The following FBXL2 variants were observed in gnomAD, a reference collection of about 807,000 sequenced individuals.
FBXL2 encodes F-box/LRR-repeat protein 2.
Under a neutral mutation model 69.2 loss-of-function variants are expected in FBXL2, and 38 were observed. The observed-to-expected ratio is 0.55, with a 90% CI of 0.42 to 0.72. FBXL2 has a LOEUF of 0.72. Ranked by LOEUF, FBXL2 falls within the 30% of genes least tolerant of loss-of-function variation. FBXL2 has a pLI of 0.00. For synonymous variants in FBXL2, 192 were observed against 201.3 expected, an observed-to-expected ratio of 0.95 and a Z score of 0.39; for missense variants, 354 against 520.3, an observed-to-expected ratio of 0.68 and a Z score of 3.11.
intron 2 of FBXL2, among the ~76,000 whole-genome samples, chr3:33,353,629 C>G (rs1389027586): frequency 1.3e-5 from 2 of 152,216 alleles, no homozygotes; most frequent in African/African-American, 2.4e-5. Flanking sequence ...TGGCTCACGC[C>G]TGTAATCCCA....
rs754280378 is a variant in FBXL2 at position 33,385,527 on chromosome 3, C to T, written c.1191C>T (p.His397=). ...CTCAGCTCCCTCATGTCAAAGTCCA[C>T]GCCTACTTTGCTCCCGTCACCCCAC... ...MRAQLPHVKV[H]AYFAPVTPPT... The change falls in exon 15 of 15, where the codon CAC becomes CAT. Residue 397 remains histidine (H), a synonymous_variant. Coordinates refer to ENST00000484457, the MANE Select transcript of FBXL2 (RefSeq NM_012157.5). 2.4e-5 allele frequency: 39 copies of T among 1,613,968 alleles called. No individual in the cohort carries two copies. Among genetic ancestry groups the T allele is most frequent in the Middle Eastern group, 1.6e-4 (1 of 6,084 alleles).
At chr3:33,299,736 G>A (rs1222096318) in intron 2 of FBXL2, among the ~76,000 whole-genome samples, 1 of 152,158 alleles carries the variant, frequency 6.6e-6, no homozygotes, top group Non-Finnish European at 1.5e-5. Context: ...AGACAGGATT[G>A]TATGAAAAAT....
intron 2 of FBXL2, among the ~76,000 whole-genome samples, chr3:33,330,137 G>C (rs2039034975): frequency 6.6e-6 from 1 of 152,028 alleles, no homozygotes; most frequent in Non-Finnish European, 1.5e-5. Flanking sequence ...TTTTAAATTA[G>C]CCAGCTGTGG....
At chr3:33,404,945 ATAT>A (rs752611344), downstream of FBXL2, among the ~76,000 whole-genome samples, 2 of 152,194 alleles carry the variant, frequency 1.3e-5, no homozygotes, top group Non-Finnish European at 2.9e-5. Context: ...ATTTCCAATA[ATAT>A]TTCTATTTTT....
At chr3:33,376,214 T>C (rs1033244058) in intron 10 of FBXL2, among the ~76,000 whole-genome samples, 4 of 151,914 alleles carry the variant, frequency 2.6e-5, no homozygotes, top group African/African-American at 9.7e-5. Context: ...TAATAGATTA[T>C]CATTACCAGC....
the FBXL2 span, among the ~76,000 whole-genome samples, chr3:33,413,891 A>C: frequency 6.6e-6 from 1 of 152,186 alleles, no homozygotes; most frequent in Non-Finnish European, 1.5e-5. Flanking sequence ...GTGGCCCCTA[A>C]GACACCAATG....
chr3:33,384,996 C>G (rs1372798336), intron 14 of FBXL2, among the ~76,000 whole-genome samples: 2 of 152,072 alleles, frequency 1.3e-5, no homozygotes, highest in African/African-American at 4.8e-5. Flanking sequence ...CCATTGCACT[C>G]CAGCCTGGGC....
At chr3:33,352,027 G>A (rs1024704462) in intron 2 of FBXL2, among the ~76,000 whole-genome samples, 8 of 151,448 alleles carry the variant, frequency 5.3e-5, no homozygotes, top group African/African-American at 1.9e-4. Flanking sequence ...GCACAGTACT[G>A]AATAAGAAAA....
intron 2 of FBXL2, among the ~76,000 whole-genome samples, chr3:33,339,515 C>T (rs2039853354): frequency 6.6e-6 from 1 of 152,058 alleles, no homozygotes; most frequent in African/African-American, 2.4e-5. Context: ...TATGTGGACA[C>T]AGAAAAGGAA....
chr3:33,418,460 T>A, the FBXL2 span, among the ~76,000 whole-genome samples: 1 of 151,878 alleles, frequency 6.6e-6, no homozygotes, highest in African/African-American at 2.4e-5. Context: ...GGTTTCGCCA[T>A]GTTGGCCAGG....
intron 10 of FBXL2, 98 bp from the exon 11 acceptor site, chr3:33,377,175 C>A: frequency 8.4e-7 from 1 of 1,190,436 alleles, no homozygotes; most frequent in Non-Finnish European, 1.3e-6. Context: ...AAAAGCATGT[C>A]AAAGAGCAGA....
rs561213384 is a variant in FBXL2 at position 33,354,780 on chromosome 3, A to G, written c.66-4187A>G. 1.3e-3 allele frequency among the ~76,000 whole-genome samples: 203 copies of G among 152,300 alleles called. 1 individual carries two copies. Among genetic ancestry groups the G allele is most frequent in the African/African-American group, 4.5e-3 (189 of 41,568 alleles). On this transcript the variant is annotated intron_variant, in intron 2 of 14. Coordinates refer to ENST00000484457, the MANE Select transcript of FBXL2 (RefSeq NM_012157.5). ...CCACTGTAATAAGCAAAAGAAATAG[A>G]AAGTATAATTATTGGAAAGGAGGAA...
intron 13 of FBXL2, 65 bp from the exon 14 acceptor site, chr3:33,383,921 CTTT>C (rs202199603): frequency 6.6e-7 from 1 of 1,513,558 alleles, no homozygotes; most frequent in African/African-American, 1.4e-5. Flanking sequence ...TAGCTTCCAG[CTTT>C]TTTTTAGGAC....
At chr3:33,309,544 T>TAA in intron 2 of FBXL2, among the ~76,000 whole-genome samples, 1 of 151,354 alleles carries the variant, frequency 6.6e-6, no homozygotes, top group Admixed American at 6.6e-5. Context: ...GTTGGGTCTT[T>TAA]AAAAAAAAAT....
At chr3:33,354,201 C>T (rs1292449781) in intron 2 of FBXL2, among the ~76,000 whole-genome samples, 1 of 151,962 alleles carries the variant, frequency 6.6e-6, no homozygotes, top group Admixed American at 6.6e-5. Context: ...ACTCTCTATA[C>T]TACTTGCTCT....
intron 4 of FBXL2, among the ~76,000 whole-genome samples, chr3:33,360,438 G>A (rs2041529870): frequency 6.6e-6 from 1 of 152,156 alleles, no homozygotes; most frequent in Admixed American, 6.5e-5. Flanking sequence ...AAGTGGGGCA[G>A]AGCAGAAGAT....
chr3:33,337,120 G>A (rs1474080622), intron 2 of FBXL2, among the ~76,000 whole-genome samples: 1 of 151,974 alleles, frequency 6.6e-6, no homozygotes, highest in Non-Finnish European at 1.5e-5. Context: ...CAGGAGGATC[G>A]CTTGAACCCG....
rs1233629692 is a variant in FBXL2 at position 33,373,632 on chromosome 3, G to A, written c.510G>A (p.Thr170=). 14 of 1,614,072 alleles carry A rather than the reference G, an allele frequency of 8.7e-6. No individual in the cohort carries two copies. In the Admixed American group the frequency reaches 1.8e-4, roughly 21 times the overall value. Residue 170 remains threonine, a synonymous_variant, in exon 8 of 15, where the codon ACG becomes ACA. Transcript: ENST00000484457. The part of the protein sequence containing the change: ...YLNLSWCDQI[T]KDGIEALVRG... ...ACCTCTCTTGGTGTGATCAGATCACGAAGGATGGCATCGAGGCACTGGTGC... is the reference window on the plus strand; with the variant it reads ...ACCTCTCTTGGTGTGATCAGATCACAAAGGATGGCATCGAGGCACTGGTGC...
At chr3:33,413,170 G>A in the FBXL2 span, among the ~76,000 whole-genome samples, 277 of 152,276 alleles carry the variant, frequency 1.8e-3, 2 homozygotes, top group African/African-American at 6.4e-3. Flanking sequence ...GATGCACACA[G>A]GAGTTATTAA....
Sources: gnomAD v4.1 joint callset for allele counts (sites outside exome capture counted in the v4.1 genomes callset) on GRCh38, gnomAD v4.1.1 for gene constraint, MANE v1.5 for transcripts, NCBI Gene and HGNC (gene_info 2026-07-23, HGNC 2026-07-21) for gene names.